Variants in SACM1L observed in about 807,000 individuals in gnomAD.
The protein encoded by SACM1L is phosphatidylinositol-3-phosphatase SAC1.
SACM1L carries 32 observed loss-of-function variants against 89.5 expected under a neutral mutation model. That is an observed-to-expected ratio of 0.36 (90% CI 0.27 to 0.48). The LOEUF is 0.48. SACM1L is among the 20% of genes least tolerant of loss of function. The pLI is 0.99. For missense variants in SACM1L, 543 were observed against 708.5 expected (o/e 0.77, Z 2.65); for synonymous variants, 213 against 232.8 (o/e 0.92, Z 0.77).
At chr3:45,733,758 A>G (rs1448455355) in intron 13 of SACM1L, among the ~76,000 whole-genome samples, 1 of 152,232 alleles carries the variant, frequency 6.6e-6, no homozygotes, top group East Asian at 1.9e-4. Flanking sequence ...GTGTTATCTC[A>G]TTCAAACCTT....
intron 2 of SACM1L, among the ~76,000 whole-genome samples, chr3:45,704,917 T>C (rs1346049474): frequency 6.6e-6 from 1 of 152,248 alleles, no homozygotes; most frequent in Non-Finnish European, 1.5e-5. Context: ...AAACCTAACA[T>C]ACATTCTAGG....
At chr3:45,722,136 G>A (rs746010581) in intron 9 of SACM1L, 51 bp downstream of exon 9, 1 of 1,084,238 alleles carries the variant, frequency 9.2e-7, no homozygotes, top group Non-Finnish European at 1.4e-6. Flanking sequence ...TTTCTGCTTG[G>A]ATTATAATTT....
rs1698359722 is a variant in SACM1L at position 45,705,178 on chromosome 3, T to C, written c.174T>C (p.Phe58=). The change falls in exon 3 of 20, where the codon TTT becomes TTC. Residue 58 remains phenylalanine, a synonymous_variant. Transcript: ENST00000389061. ...CTTCAGCTGTCACAAGACCAATATT[T>C]GGTATACTGGGCACAATCCATCTGG... ...VPPSAVTRPI[F]GILGTIHLVA... is the part of the protein sequence containing the mutation. The C allele has an allele frequency of 1.9e-6, 3 of 1,611,510 alleles. No homozygotes were observed. In the East Asian group the frequency reaches 6.7e-5, roughly 36 times the overall value.
intron 19 of SACM1L, among the ~76,000 whole-genome samples, chr3:45,741,875 C>A (rs1368692940): frequency 2.6e-5 from 4 of 152,136 alleles, no homozygotes; most frequent in Non-Finnish European, 4.4e-5. Flanking sequence ...ACAGGTATTG[C>A]CTGGGACATG....
rs1040516281 is a variant in SACM1L, at chr3:45,689,724, C to T, written c.32+227C>T. 8.2e-6 allele frequency: 5 copies of T among 613,206 alleles called. No individual in the cohort carries two copies. In the African/African-American group the frequency reaches 9.3e-5, roughly 11 times the overall value. The allele number at this position is 613,206 out of a possible 1,614,324, so 38.0% of individuals were successfully genotyped here. A position where few individuals can be genotyped will look rare whatever the true frequency, so the allele number is the denominator to read the frequency against. ...TTCTCCACCGTGCTCGGCCCCAGCG[C>T]CCACGGCTGAAGAGAGAAGCTGCCG... On this transcript the variant is annotated intron_variant, in intron 1 of 19. Coordinates refer to ENST00000389061, the MANE Select transcript of SACM1L (RefSeq NM_014016.5).
At chr3:45,738,398 A>G (rs1267032654) in intron 16 of SACM1L, among the ~76,000 whole-genome samples, 180 bp from the exon 17 acceptor site, 1 of 152,190 alleles carries the variant, frequency 6.6e-6, no homozygotes, top group Non-Finnish European at 1.5e-5. Flanking sequence ...AATATTTTAG[A>G]AAGAAAATAG....
chr3:45,732,074 T>C lies in SACM1L; in HGVS notation c.1023T>C (p.His341=), dbSNP rs182284629. 1.3e-6 allele frequency: 2 copies of C among 1,595,860 alleles called. No individual in the cohort carries two copies. The highest frequency in any genetic ancestry group is 2.3e-5 in the East Asian group (1 of 44,378). ...GMMRYIAFDF[H]KECKNMRWDR... ...GTAGATACATTGCCTTTGACTTCCA[T>C]AAGGAATGTAAAAATATGAGATGGG... The change falls in exon 13 of 20, where the codon CAT becomes CAC. Residue 341 remains histidine (H), a synonymous_variant. Transcript: ENST00000389061.
At chr3:45,708,049 T>C (rs1698438016) in intron 4 of SACM1L, among the ~76,000 whole-genome samples, 1 of 149,910 alleles carries the variant, frequency 6.7e-6, no homozygotes, top group South Asian at 2.1e-4. Flanking sequence ...TAAGTTAATA[T>C]CTATAACTAA....
chr3:45,720,066 T>C (rs1366238409), intron 8 of SACM1L, among the ~76,000 whole-genome samples: 1 of 152,230 alleles, frequency 6.6e-6, no homozygotes, highest in Non-Finnish European at 1.5e-5. Context: ...TAAAAATCTG[T>C]ATTAAAGCTT....
chr3:45,745,073 T>C lies in SACM1L; in HGVS notation c.*1404T>C, dbSNP rs1699397397. 6.6e-6 allele frequency: 1 copy of C among 152,204 alleles called. No homozygotes were observed. The highest frequency in any genetic ancestry group is 2.1e-4 in the South Asian group (1 of 4,826). The allele number at this position is 152,204 out of a possible 1,614,324, so 9.4% of individuals were successfully genotyped here. Reference sequence around the variant, plus strand: ...CTGGAAAACCCTCTGTAGTTTAAAATCAGTCATTAAACTCACAATAGGGTA... The same window carrying C: ...CTGGAAAACCCTCTGTAGTTTAAAACCAGTCATTAAACTCACAATAGGGTA... On this transcript the variant is annotated 3_prime_UTR_variant, in exon 20 of 20. Transcript: ENST00000389061.
chr3:45,692,395 C>T (rs1408773412), intron 1 of SACM1L, among the ~76,000 whole-genome samples: 1 of 152,006 alleles, frequency 6.6e-6, no homozygotes, highest in Non-Finnish European at 1.5e-5. Context: ...GTGAGCTCAG[C>T]TCACTGCAGC....
intron 19 of SACM1L, among the ~76,000 whole-genome samples, chr3:45,741,692 G>C (rs1699319813): frequency 6.6e-6 from 1 of 152,024 alleles, no homozygotes; most frequent in Non-Finnish European, 1.5e-5. Flanking sequence ...TTGAGTAGGG[G>C]GAAAGAAAGA....
intron 14 of SACM1L, among the ~76,000 whole-genome samples, chr3:45,736,928 C>T (rs777498967): frequency 3.9e-5 from 6 of 152,008 alleles, no homozygotes; most frequent in Non-Finnish European, 4.4e-5. Context: ...GGAATGACTC[C>T]TTCTGAGGTG....
rs1224218464 is a variant in SACM1L, at chr3:45,735,219, T to A, written c.1101-16T>A. 5.6e-6 allele frequency: 9 copies of A among 1,600,132 alleles called. No homozygotes were observed. The African/African-American group carries it at 8.1e-5, about 14-fold the overall frequency. On this transcript the variant is annotated splice_polypyrimidine_tract_variant and intron_variant, in intron 13 of 19. Transcript: ENST00000389061. ...ACCTACTTTGGTATGAGAGTGTTTATACAAATATGTTTTAGTTATTTTCTA... is the reference window on the plus strand; with the variant it reads ...ACCTACTTTGGTATGAGAGTGTTTAAACAAATATGTTTTAGTTATTTTCTA...
intron 12 of SACM1L, 30 bp from the exon 13 acceptor site, chr3:45,732,023 T>C (rs753887782): frequency 7.7e-7 from 1 of 1,291,624 alleles, no homozygotes; most frequent in African/African-American, 1.5e-5. Context: ...TGATCTCTGG[T>C]CGGTTTCTGA....
At chr3:45,716,489 A>T (rs1417762770) in intron 7 of SACM1L, among the ~76,000 whole-genome samples, 1 of 151,986 alleles carries the variant, frequency 6.6e-6, no homozygotes, top group Non-Finnish European at 1.5e-5. Context: ...GGAGAAGGGG[A>T]AAATTGGTGA....
At position 45,738,889 on chromosome 3, in the gene SACM1L, G is replaced by A. The variant is rs759680067; in HGVS notation, c.1569+16G>A. The A allele has an allele frequency of 1.3e-6, 2 of 1,532,806 alleles. No individual in the cohort carries two copies. The highest frequency in any genetic ancestry group is 1.8e-5 in the Admixed American group (1 of 56,060). The allele number at this position is 1,532,806 out of a possible 1,614,324, so 95.0% of individuals were successfully genotyped here. ...ATTCCTGGCTGTAAGAAACCATTTT[G>A]TATTTTTCAAGTTTTTAAAAGCATT... On this transcript the variant is annotated intron_variant, in intron 18 of 19. Coordinates refer to ENST00000389061, the MANE Select transcript of SACM1L (RefSeq NM_014016.5).
chr3:45,697,269 CTTTTTTT>C (rs869095037), intron 1 of SACM1L, among the ~76,000 whole-genome samples: 14 of 92,120 alleles, frequency 1.5e-4, no homozygotes, highest in South Asian at 7.2e-4. Flanking sequence ...TTTTCTTTTC[CTTTTTTT>C]TTTTTTTTTT....
rs371525093 is a variant in SACM1L, at chr3:45,729,834, G to A, written c.922-1467G>A. 9.9e-5 allele frequency among the ~76,000 whole-genome samples: 15 copies of A among 151,836 alleles called. No individual in the cohort carries two copies. The East Asian group carries it at 1.3e-3, about 14-fold the overall frequency. On this transcript the variant is annotated intron_variant, in intron 11 of 19. Coordinates refer to ENST00000389061, the MANE Select transcript of SACM1L (RefSeq NM_014016.5). ...CATATGTTTCATCACATTTGGGAAG[G>A]TTTTGGCTATTTTTTTTTTCTTCAA...
Sources: gnomAD v4.1 joint callset for allele counts (sites outside exome capture counted in the v4.1 genomes callset) on GRCh38, gnomAD v4.1.1 for gene constraint, MANE v1.5 for transcripts, NCBI Gene and HGNC (gene_info 2026-07-23, HGNC 2026-07-21) for gene names.